The following IL1RAPL2 variants were observed in gnomAD, a reference collection of about 807,000 sequenced individuals.
IL1RAPL2 encodes X-linked interleukin-1 receptor accessory protein-like 2.
In IL1RAPL2, 3 loss-of-function variants were observed where a neutral mutation model predicts 44.1. That is an observed-to-expected ratio of 0.07 (90% CI 0.03 to 0.18). IL1RAPL2 has a LOEUF of 0.18. Among genes scored for constraint, IL1RAPL2 ranks in the 10% least tolerant of loss-of-function variants. The pLI is 1.00. For missense variants in IL1RAPL2, 391 were observed against 496.4 expected (o/e 0.79, Z 2.02); for synonymous variants, 181 against 178.8 (o/e 1.01, Z -0.10).
intron 5 of IL1RAPL2, among the ~76,000 whole-genome samples, chrX:105,444,593 TATA>T (rs1231183544): frequency 1.8e-5 from 2 of 111,755 alleles, no homozygotes; most frequent in Non-Finnish European, 3.8e-5. Flanking sequence ...ATTATTAATA[TATA>T]ATAATTACAA....
At chrX:104,661,830 C>T (rs889623748) in intron 2 of IL1RAPL2, among the ~76,000 whole-genome samples, 2 of 111,634 alleles carry the variant, frequency 1.8e-5, no homozygotes, top group East Asian at 2.8e-4. Context: ...TAACGGAACT[C>T]GTAACTTTTA....
chrX:104,729,053 T>G (rs1232086394), intron 2 of IL1RAPL2, among the ~76,000 whole-genome samples: 1 of 110,681 alleles, frequency 9.0e-6, no homozygotes, highest in Non-Finnish European at 1.9e-5. Context: ...ATCAACAAAA[T>G]TATTTAAATA....
intron 2 of IL1RAPL2, among the ~76,000 whole-genome samples, chrX:105,035,219 G>C (rs5916716): frequency 9.0e-6 from 1 of 111,434 alleles, no homozygotes; most frequent in Non-Finnish European, 1.9e-5. Flanking sequence ...ATCCTGCTTC[G>C]GCTCACGCAC....
chrX:105,582,971 T>TA (rs2037099568), intron 6 of IL1RAPL2, among the ~76,000 whole-genome samples: 1 of 110,745 alleles, frequency 9.0e-6, no homozygotes. Flanking sequence ...AATTCAGTGA[T>TA]ACGGACTTCA....
intron 2 of IL1RAPL2, among the ~76,000 whole-genome samples, chrX:105,122,840 A>C (rs1184250906): frequency 9.0e-6 from 1 of 111,212 alleles, no homozygotes; most frequent in Non-Finnish European, 1.9e-5. Context: ...CATAAAGCTA[A>C]CATTACAGTG....
chrX:105,679,284 C>T lies in IL1RAPL2; in HGVS notation c.773-38083C>T, dbSNP rs759859285. On this transcript the variant is annotated intron_variant, in intron 6 of 10. Coordinates refer to ENST00000372582, the MANE Select transcript of IL1RAPL2 (RefSeq NM_017416.2). Reference sequence around the variant, plus strand: ...TCCTTACTAGGGGGAACATAACTAGCTCTATGATTTAAACTCAGAAAGGTA... The same window carrying T: ...TCCTTACTAGGGGGAACATAACTAGTTCTATGATTTAAACTCAGAAAGGTA... Among the ~76,000 whole-genome samples, 11 of 111,754 alleles carry T rather than the reference C, an allele frequency of 9.8e-5. No individual in the cohort carries two copies. The South Asian group carries it at 4.1e-3, about 42-fold the overall frequency.
intron 5 of IL1RAPL2, among the ~76,000 whole-genome samples, chrX:105,344,466 T>G (rs981105088): frequency 2.7e-5 from 3 of 111,468 alleles, no homozygotes; most frequent in African/African-American, 9.8e-5. Context: ...TTAATCCACA[T>G]GAAGTGCTGA....
intron 2 of IL1RAPL2, among the ~76,000 whole-genome samples, chrX:104,884,121 G>C (rs1273656234): frequency 9.1e-6 from 1 of 109,358 alleles, no homozygotes; most frequent in Admixed American, 9.7e-5. Flanking sequence ...AAGGGTGCAG[G>C]TTTTTGAGAA....
chrX:104,847,953 C>A (rs1265859261), intron 2 of IL1RAPL2, among the ~76,000 whole-genome samples: 3 of 110,489 alleles, frequency 2.7e-5, no homozygotes, highest in Non-Finnish European at 3.8e-5. Flanking sequence ...CTCTTTGAAG[C>A]AATTGTGAAT....
chrX:105,366,443 T>C, intron 5 of IL1RAPL2, among the ~76,000 whole-genome samples: 1 of 111,392 alleles, frequency 9.0e-6, no homozygotes, highest in Admixed American at 9.6e-5. Context: ...ATAGGTTGTT[T>C]ATTTAAAATT....
chrX:105,419,338 G>T (rs2035757453), intron 5 of IL1RAPL2, among the ~76,000 whole-genome samples: 1 of 111,294 alleles, frequency 9.0e-6, no homozygotes, highest in Admixed American at 9.6e-5. Context: ...TGATTTTCTA[G>T]GAAAATTAGA....
intron 5 of IL1RAPL2, among the ~76,000 whole-genome samples, chrX:105,391,368 T>G (rs1047757418): frequency 1.5e-4 from 16 of 109,479 alleles, no homozygotes; most frequent in African/African-American, 4.3e-4. Context: ...AGAAGACATT[T>G]ATGCAGCCAA....
chrX:104,746,494 T>A (rs1019411287), intron 2 of IL1RAPL2, among the ~76,000 whole-genome samples: 3 of 111,693 alleles, frequency 2.7e-5, no homozygotes, highest in Non-Finnish European at 5.7e-5. Flanking sequence ...ATGTGATTTT[T>A]AAAATAATAT....
intron 2 of IL1RAPL2, among the ~76,000 whole-genome samples, chrX:104,682,980 C>T (rs1333883339): frequency 9.0e-6 from 1 of 111,608 alleles, no homozygotes; most frequent in East Asian, 2.8e-4. Context: ...TGCTAATTGC[C>T]AAGCACTGTA....
chrX:104,592,145 A>ATGTGTGTG (rs35940205), intron 1 of IL1RAPL2, among the ~76,000 whole-genome samples: 2,056 of 60,185 alleles, frequency 0.034, 78 homozygotes, highest in East Asian at 0.066. Flanking sequence ...ATGCCCGTAT[A>ATGTGTGTG]TGTGTGTGTG....
At chrX:105,086,730 A>G (rs765324937) in intron 2 of IL1RAPL2, among the ~76,000 whole-genome samples, 32 of 109,304 alleles carry the variant, frequency 2.9e-4, no homozygotes, top group Non-Finnish European at 4.2e-4. Context: ...GTGTGTGTGT[A>G]TATAATCAGA....
intron 2 of IL1RAPL2, among the ~76,000 whole-genome samples, chrX:105,035,770 C>T (rs950542595): frequency 3.6e-5 from 4 of 112,232 alleles, no homozygotes; most frequent in African/African-American, 6.5e-5. Context: ...ACATTTAAAG[C>T]ATATTTATAT....
chrX:105,228,994 G>C (rs782659282), intron 3 of IL1RAPL2, among the ~76,000 whole-genome samples: 10 of 112,193 alleles, frequency 8.9e-5, no homozygotes, highest in Admixed American at 3.8e-4. Flanking sequence ...TGTTGCTGCA[G>C]TATCATTGCA....
At chrX:105,373,700 T>C in intron 5 of IL1RAPL2, among the ~76,000 whole-genome samples, 1 of 111,489 alleles carries the variant, frequency 9.0e-6, no homozygotes. Flanking sequence ...TTGTATATAG[T>C]ATAAGGAAGG....
Sources: allele counts gnomAD v4.1 joint callset (sites outside exome capture counted in the v4.1 genomes callset), GRCh38; gene constraint gnomAD v4.1.1; transcripts MANE v1.5; gene names NCBI Gene and HGNC (gene_info 2026-07-23, HGNC 2026-07-21).